CFAP20DC: variants seen among roughly 807,000 people sequenced by gnomAD.
CFAP20DC encodes CFAP20 domain containing, also known as protein CFAP20DC.
A neutral mutation model predicts 101.7 loss-of-function variants in CFAP20DC; 84 were observed. The observed-to-expected ratio is 0.83, with a 90% confidence interval of 0.69 to 0.99. The LOEUF is 0.99. Ranked by LOEUF, CFAP20DC falls within the 50% of genes least tolerant of loss-of-function variation. CFAP20DC has a pLI of 0.00. For synonymous variants in CFAP20DC, 359 were observed against 351.2 expected, an observed-to-expected ratio of 1.02 and a Z score of -0.25; for missense variants, 1,007 against 970.3, an observed-to-expected ratio of 1.04 and a Z score of -0.50.
chr3:58,746,267 C>T (rs1575535884), intron 16 of CFAP20DC, among the ~76,000 whole-genome samples: 1 of 152,248 alleles, frequency 6.6e-6, no homozygotes, highest in East Asian at 1.9e-4. Flanking sequence ...AATCACATAT[C>T]CCTGAGGTAA....
chr3:58,909,862 T>C (rs1039633644), intron 6 of CFAP20DC, among the ~76,000 whole-genome samples: 1 of 152,136 alleles, frequency 6.6e-6, no homozygotes, highest in Admixed American at 6.6e-5. Context: ...TTAGCTATTT[T>C]GCCTGAAGTT....
intron 4 of CFAP20DC, among the ~76,000 whole-genome samples, chr3:58,991,929 T>G (rs946151892): frequency 1.3e-5 from 2 of 152,154 alleles, no homozygotes; most frequent in African/African-American, 4.8e-5. Flanking sequence ...ATAAGGAAAT[T>G]TCAAGTAGGT....
At chr3:59,016,539 T>A (rs2093693396) in intron 4 of CFAP20DC, among the ~76,000 whole-genome samples, 1 of 152,122 alleles carries the variant, frequency 6.6e-6, no homozygotes, top group African/African-American at 2.4e-5. Context: ...ATTGTGAATG[T>A]TTATTATACA....
intron 15 of CFAP20DC, among the ~76,000 whole-genome samples, chr3:58,759,836 G>C (rs2069365839): frequency 6.6e-6 from 1 of 152,190 alleles, no homozygotes; most frequent in Admixed American, 6.5e-5. Flanking sequence ...TCAAAGATCA[G>C]ATGGTTGTAG....
chr3:58,816,730 C>T (rs1277676425), intron 14 of CFAP20DC, among the ~76,000 whole-genome samples: 3 of 152,192 alleles, frequency 2.0e-5, no homozygotes, highest in Non-Finnish European at 2.9e-5. Flanking sequence ...CCCGCCATTG[C>T]CCAGGCTTGC....
At position 58,864,371 on chromosome 3, in the gene CFAP20DC, AC is replaced by A. The variant is rs557085435; in HGVS notation, c.1259-480del. ...TATAGACCATCTTGTAACCTGCTAA[AC>A]ACTCAACCCATACATCAGTGCCTAT... On this transcript the variant is annotated intron_variant, in intron 11 of 16. Transcript: ENST00000482387. The surrounding 1 kb of genome is among the most constrained non-coding windows in gnomAD (Gnocchi z 4.7). Among the ~76,000 whole-genome samples, 2 of 152,332 alleles carry A rather than the reference AC, an allele frequency of 1.3e-5. No individual in the cohort carries two copies. The highest frequency in any genetic ancestry group is 2.9e-5 in the Non-Finnish European group (2 of 68,026).
At chr3:58,885,793 C>T (rs2081577320) in intron 6 of CFAP20DC, among the ~76,000 whole-genome samples, 1 of 151,924 alleles carries the variant, frequency 6.6e-6, no homozygotes, top group Admixed American at 6.6e-5. Flanking sequence ...GGATTTCATT[C>T]TTTTTTATGG....
chr3:58,856,616 G>A (rs911180407), intron 12 of CFAP20DC, among the ~76,000 whole-genome samples: 137 of 152,224 alleles, frequency 9.0e-4, no homozygotes, highest in African/African-American at 3.2e-3. Context: ...AAGACTGTCA[G>A]AGCTATCTGA....
intron 15 of CFAP20DC, among the ~76,000 whole-genome samples, chr3:58,763,245 T>G (rs1325413438): frequency 1.3e-5 from 2 of 152,182 alleles, no homozygotes; most frequent in Non-Finnish European, 2.9e-5. Flanking sequence ...TTCTTTTTAT[T>G]CTTTTTTCTC....
intron 6 of CFAP20DC, among the ~76,000 whole-genome samples, chr3:58,911,352 GA>G (rs1228517597): frequency 1.3e-5 from 2 of 152,128 alleles, no homozygotes; most frequent in Non-Finnish European, 2.9e-5. Flanking sequence ...ATGCATACAT[GA>G]AATATGTACT....
At chr3:58,798,815 C>T (rs1267189489) in intron 15 of CFAP20DC, among the ~76,000 whole-genome samples, 2 of 152,218 alleles carry the variant, frequency 1.3e-5, no homozygotes, top group African/African-American at 4.8e-5. Flanking sequence ...ACAAGACCCT[C>T]CACCAGCAAA....
intron 7 of CFAP20DC, among the ~76,000 whole-genome samples, 193 bp from the exon 8 acceptor site, chr3:58,870,502 C>T (rs1252500712): frequency 6.6e-6 from 1 of 151,494 alleles, no homozygotes; most frequent in East Asian, 1.9e-4. Flanking sequence ...ATTAGGATCT[C>T]GGCAGTATCA....
chr3:58,938,922 T>C lies in CFAP20DC; in HGVS notation c.279-1160A>G, dbSNP rs187848587. Among the ~76,000 whole-genome samples the C allele has an allele frequency of 7.2e-5, 11 of 152,338 alleles. No homozygotes were observed. In the East Asian group the frequency reaches 1.9e-3, roughly 27 times the overall value. On this transcript the variant is annotated intron_variant, in intron 4 of 16. Coordinates refer to ENST00000482387, the MANE Select transcript of CFAP20DC (RefSeq NM_001394063.1). ...TTAAAATACAACGTCTTTCAATCCATAGTCAGAGCTAAGGTTTAAAATGCA... is the reference window on the plus strand; with the variant it reads ...TTAAAATACAACGTCTTTCAATCCACAGTCAGAGCTAAGGTTTAAAATGCA...
At chr3:58,839,925 A>G (rs1435015741) in intron 13 of CFAP20DC, among the ~76,000 whole-genome samples, 1 of 152,226 alleles carries the variant, frequency 6.6e-6, no homozygotes, top group Non-Finnish European at 1.5e-5. Flanking sequence ...ACTTATTTAA[A>G]AATACTTCTA....
intron 15 of CFAP20DC, among the ~76,000 whole-genome samples, chr3:58,783,881 G>A (rs190543349): frequency 5.9e-5 from 9 of 152,026 alleles, no homozygotes; most frequent in Non-Finnish European, 1.3e-4. Flanking sequence ...AGATTCAGGG[G>A]ATACATGTGC....
Position 58,788,378 on chromosome 3 carries a change from C to T in CFAP20DC, c.2237+18017G>A, listed in dbSNP as rs1235201559. 2.0e-5 allele frequency among the ~76,000 whole-genome samples: 3 copies of T among 152,120 alleles called. No homozygotes were observed. Among genetic ancestry groups the T allele is most frequent in the Admixed American group, 6.5e-5 (1 of 15,272 alleles). On this transcript the variant is annotated intron_variant, in intron 15 of 16. Transcript: ENST00000482387. The surrounding 1 kb of genome is among the most constrained non-coding windows in gnomAD (Gnocchi z 4.2). The stretch of plus-strand genomic sequence containing the variant: ...GGGAAATCCTATTGGTGAGAATCCA[C>T]AGACATTTTTGAGCTTCTAATGTGG...
chr3:58,948,746 T>A (rs1559880229), intron 4 of CFAP20DC, among the ~76,000 whole-genome samples: 1 of 152,226 alleles, frequency 6.6e-6, no homozygotes, highest in Non-Finnish European at 1.5e-5. Flanking sequence ...TGGTCTAAAA[T>A]TCTCTTTTTT....
intron 5 of CFAP20DC, among the ~76,000 whole-genome samples, chr3:58,919,500 A>G (rs966272575): frequency 2.7e-4 from 41 of 152,216 alleles, no homozygotes; most frequent in African/African-American, 9.2e-4. Context: ...TTGACTTTCC[A>G]TATAAATTTT....
intron 4 of CFAP20DC, among the ~76,000 whole-genome samples, chr3:59,000,108 C>G (rs571622042): frequency 2.6e-5 from 4 of 152,318 alleles, no homozygotes; most frequent in African/African-American, 7.2e-5. Context: ...ATTATGTAAT[C>G]TCCTTCATTT....
Sources: allele counts gnomAD v4.1 joint callset (sites outside exome capture counted in the v4.1 genomes callset), GRCh38; gene constraint gnomAD v4.1.1; non-coding constraint Gnocchi (gnomAD v3.1); transcripts MANE v1.5; gene names NCBI Gene and HGNC (gene_info 2026-07-23, HGNC 2026-07-21).